HAUS6: variants seen among roughly 807,000 people sequenced by gnomAD.
HAUS6 encodes HAUS augmin like complex subunit 6, also known as HAUS augmin-like complex subunit 6.
HAUS6 carries 80 observed loss-of-function variants against 106.8 expected under a neutral mutation model. The observed-to-expected ratio is 0.75, with a 90% CI of 0.63 to 0.90. The LOEUF is 0.90. Ranked by LOEUF, HAUS6 falls within the 40% of genes least tolerant of loss-of-function variation. HAUS6 has a pLI of 0.00. For synonymous variants in HAUS6, 356 were observed against 379.1 expected (o/e 0.94, Z 0.71); for missense variants, 1,155 against 1,118.1 (o/e 1.03, Z -0.47).
intron 10 of HAUS6, among the ~76,000 whole-genome samples, chr9:19,077,255 C>T (rs898800263): frequency 6.6e-6 from 1 of 152,218 alleles, no homozygotes; most frequent in Non-Finnish European, 1.5e-5. Context: ...TGTTTTCTGG[C>T]TGGGCACAGT....
intron 1 of HAUS6, among the ~76,000 whole-genome samples, 187 bp from the exon 2 acceptor site, chr9:19,096,956 C>T (rs2131156866): frequency 6.6e-6 from 1 of 152,238 alleles, no homozygotes; most frequent in East Asian, 1.9e-4. Flanking sequence ...CTTTCATTTT[C>T]TAATTCTGAA....
chr9:19,073,613 C>A (rs1171113670), intron 11 of HAUS6, among the ~76,000 whole-genome samples: 1 of 150,484 alleles, frequency 6.6e-6, no homozygotes, highest in Non-Finnish European at 1.5e-5. Flanking sequence ...ACAACACAAC[C>A]CTAAGAGCTC....
rs1021704117 is a variant in HAUS6, at chr9:19,058,233, G to C, written c.2534C>G (p.Ser845Cys). ...SRYEALKKSL[S>C]KKREESYLSN... ...GAGGTAAGATTCTTCCCTTTTCTTG[G>C]AAAGAGATTTCTTCAGAGCCTCGTA... The change falls in exon 16 of 17, where the codon TCC becomes TGC. Residue 845 changes from serine to cysteine, a missense_variant. This residue lies in a region of HAUS6 where 380 missense variants were observed against 394.8 expected (regional missense o/e 0.96). Coordinates refer to ENST00000380502, the MANE Select transcript of HAUS6 (RefSeq NM_017645.5). 6.2e-7 allele frequency: 1 copy of C among 1,613,854 alleles called. No individual in the cohort carries two copies. Among genetic ancestry groups the C allele is most frequent in the Admixed American group, 1.7e-5 (1 of 60,010 alleles).
chr9:19,054,880 T>C lies in HAUS6; in HGVS notation c.*1463A>G, dbSNP rs1318201515. 1.3e-5 allele frequency: 2 copies of C among 152,348 alleles called. No homozygotes were observed. The highest frequency in any genetic ancestry group is 1.9e-4 in the East Asian group (1 of 5,190). 9.4% of individuals were successfully genotyped at this position (152,348 alleles called of 1,614,324 possible). On this transcript the variant is annotated 3_prime_UTR_variant, in exon 17 of 17. Transcript: ENST00000380502. ...CAGATGCTGATAAGACAGTATCACATGCTAAGTTAAGATTTTCAGATACTG... is the reference window on the plus strand; with the variant it reads ...CAGATGCTGATAAGACAGTATCACACGCTAAGTTAAGATTTTCAGATACTG...
Position 19,058,196 on chromosome 9 carries a change from T to G in HAUS6, c.2571A>C (p.Gln857His), listed in dbSNP as rs1836521933. ...ATTCTGGTTTGTGTCTTTCGGGTGT[T>G]TGGGAATTCGAGAGGTAAGATTCTT... is the stretch of plus-strand genomic sequence containing the variant. ...KREESYLSNS[Q>H]TPERHKPELS... The change falls in exon 16 of 17, where the codon CAA (glutamine) becomes CAC (histidine). Residue 857 changes from glutamine to histidine, a missense_variant. Gln to His is a conservative substitution (Grantham distance 24). Around this residue, in one of 3 missense-constraint regions of HAUS6, gnomAD observed 380 missense variants for 394.8 expected, o/e 0.96. Coordinates refer to ENST00000380502, the MANE Select transcript of HAUS6 (RefSeq NM_017645.5). 1 of 1,613,938 alleles carries G rather than the reference T, an allele frequency of 6.2e-7. No individual in the cohort carries two copies. The highest frequency in any genetic ancestry group is 1.3e-5 in the African/African-American group (1 of 75,046).
At chr9:19,088,730 G>T (rs1299353907) in intron 5 of HAUS6, among the ~76,000 whole-genome samples, 7 of 147,896 alleles carry the variant, frequency 4.7e-5, no homozygotes, top group African/African-American at 1.5e-4. Context: ...AAAAAAAAAT[G>T]AGCCAGGCGT....
chr9:19,084,475 A>AAG (rs1837240341), intron 7 of HAUS6, among the ~76,000 whole-genome samples: 1 of 152,182 alleles, frequency 6.6e-6, no homozygotes, highest in Non-Finnish European at 1.5e-5. Flanking sequence ...TTGTCAAGCT[A>AAG]TATACTTATG....
rs978937629 is a variant in HAUS6 at position 19,053,425 on chromosome 9, C to A, written c.*2918G>T. 1.6e-4 allele frequency: 24 copies of A among 152,018 alleles called. No homozygotes were observed. The highest frequency in any genetic ancestry group is 1.1e-3 in the Admixed American group (17 of 15,262). 9.4% of individuals were successfully genotyped at this position (152,018 alleles called of 1,614,324 possible). ...CAGGTCTCCAGAATTCCTGTTTTTC[C>A]TTTAGATAAATTTGACTTCATAGTC... On this transcript the variant is annotated 3_prime_UTR_variant, in exon 17 of 17. Coordinates refer to ENST00000380502, the MANE Select transcript of HAUS6 (RefSeq NM_017645.5).
intron 16 of HAUS6, 174 bp from the exon 17 acceptor site, chr9:19,056,578 A>C: frequency 1.8e-6 from 1 of 544,420 alleles, no homozygotes; most frequent in Non-Finnish European, 3.3e-6. Context: ...CCAGAGATCA[A>C]TACATTCCTC....
At chr9:19,092,761 T>C (rs185708873) in intron 4 of HAUS6, among the ~76,000 whole-genome samples, 84 of 149,250 alleles carry the variant, frequency 5.6e-4, no homozygotes, top group Middle Eastern at 7.1e-3. Context: ...CCATTTCTAA[T>C]AAAAATACAA....
At chr9:19,074,429 G>T (rs779702343) in intron 11 of HAUS6, among the ~76,000 whole-genome samples, 4 of 151,938 alleles carry the variant, frequency 2.6e-5, no homozygotes, top group Non-Finnish European at 4.4e-5. Flanking sequence ...ACACCACCAG[G>T]CCTGGCTAAT....
chr9:19,078,402 T>G, intron 9 of HAUS6, 100 bp from the exon 10 acceptor site: 2 of 694,516 alleles, frequency 2.9e-6, no homozygotes, highest in Non-Finnish European at 4.9e-6. Context: ...TGGAAGGAAA[T>G]AGAAGTGAAA....
In HAUS6 at chr9:19,058,302, G is replaced by C; in HGVS notation, c.2465C>G (p.Thr822Ser). The change falls in exon 16 of 17, where the codon ACT (threonine) becomes AGT (serine). Residue 822 changes from threonine to serine, a missense_variant. By Grantham distance (58) the Thr-to-Ser change is moderately conservative. Transcript: ENST00000380502. ...TAAATTAAAGTCTGATTCTGGAGTA[G>C]TCTGTCTCCCTCCCACAACATCTTC... Reference protein sequence around the residue: ...LLEDVVGGRQTTPESDFNLQA... With the variant: ...LLEDVVGGRQSTPESDFNLQA... The C allele has an allele frequency of 6.2e-7, 1 of 1,613,184 alleles. No homozygotes were observed. The highest frequency in any genetic ancestry group is 8.5e-7 in the Non-Finnish European group (1 of 1,179,180).
Position 19,076,809 on chromosome 9 carries a change from C to G in HAUS6, c.1192-105G>C. The G allele has an allele frequency of 4.7e-6, 3 of 632,546 alleles. No homozygotes were observed. The African/African-American group carries it at 5.6e-5, about 12-fold the overall frequency. 39.2% of individuals were successfully genotyped at this position (632,546 alleles called of 1,614,324 possible). A position where few individuals can be genotyped will look rare whatever the true frequency, so the allele number is the denominator to read the frequency against. ...TAGATTATCTTCTCAATAAGAAAGTCAGAATTACCAAGAATGTATCAGATA... is the reference window on the plus strand; with the variant it reads ...TAGATTATCTTCTCAATAAGAAAGTGAGAATTACCAAGAATGTATCAGATA... On this transcript the variant is annotated intron_variant, in intron 10 of 16. Transcript: ENST00000380502.
At chr9:19,095,183 CA>C (rs1349731231) in intron 2 of HAUS6, among the ~76,000 whole-genome samples, 74 of 151,426 alleles carry the variant, frequency 4.9e-4, no homozygotes, top group African/African-American at 1.7e-3. Flanking sequence ...TGTGGCTAAA[CA>C]AGACAGAAAA....
rs1431512409 is a variant in HAUS6 at position 19,102,891 on chromosome 9, C to T, written c.-240G>A. 2.3e-5 allele frequency: 9 copies of T among 384,606 alleles called. No homozygotes were observed. The East Asian group carries it at 4.0e-4, about 17-fold the overall frequency. 23.8% of individuals were successfully genotyped at this position (384,606 alleles called of 1,614,324 possible). The stretch of plus-strand genomic sequence containing the variant: ...TCAGCGAAGCCACCACAAACCGAGA[C>T]TCCCGCCCTTAAGGAAGAGCAGTGT... On this transcript the variant is annotated 5_prime_UTR_variant, in exon 1 of 17. Coordinates refer to ENST00000380502, the MANE Select transcript of HAUS6 (RefSeq NM_017645.5).
chr9:19,100,774 C>CCTGTCAT (rs1433586101), intron 1 of HAUS6, among the ~76,000 whole-genome samples: 3 of 152,136 alleles, frequency 2.0e-5, no homozygotes, highest in African/African-American at 7.2e-5. Context: ...AGAAGAAAAT[C>CCTGTCAT]CTGTCATCTG....
At position 19,089,455 on chromosome 9, in the gene HAUS6, G is replaced by C; in HGVS notation, c.541C>G (p.Gln181Glu). ...FARSRFLQIL[Q>E]RQDCVTQKYQ... ...TTTTGGGTAACACAATCTTGTCTTT[G>C]CAAAATTTGTAAAAATCTGCTACGT... Residue 181 changes from glutamine to glutamate, a missense_variant, in exon 5 of 17, where the codon CAA becomes GAA. Coordinates refer to ENST00000380502, the MANE Select transcript of HAUS6 (RefSeq NM_017645.5). The C allele has an allele frequency of 6.2e-7, 1 of 1,611,426 alleles. No homozygotes were observed.
At chr9:19,067,477 C>T (rs1199919480) in intron 12 of HAUS6, among the ~76,000 whole-genome samples, 1 of 152,126 alleles carries the variant, frequency 6.6e-6, no homozygotes, top group Non-Finnish European at 1.5e-5. Context: ...CCCCTACCTC[C>T]CTTCAGTATT....
Sources: allele counts gnomAD v4.1 joint callset (sites outside exome capture counted in the v4.1 genomes callset), GRCh38; gene constraint gnomAD v4.1.1; regional missense constraint gnomAD v4.1.1; transcripts MANE v1.5; gene names NCBI Gene and HGNC (gene_info 2026-07-23, HGNC 2026-07-21).